Variants in OTUD7A observed in about 807,000 individuals in gnomAD.
OTUD7A encodes OTU domain-containing protein 7A.
Under a neutral mutation model 65.7 loss-of-function variants are expected in OTUD7A, and 12 were observed. The ratio of observed to expected loss-of-function variants is 0.18; its 90% confidence interval spans 0.12 to 0.30. The LOEUF (loss-of-function observed/expected upper bound fraction) is 0.30, where lower values mean the gene tolerates loss of function less well. Among genes scored for constraint, OTUD7A ranks in the 10% least tolerant of loss-of-function variants. The pLI is 1.00. For missense variants in OTUD7A, 1,148 were observed against 1,304.8 expected (o/e 0.88, Z 1.85); for synonymous variants, 641 against 586.3 (o/e 1.09, Z -1.35).
intron 1 of OTUD7A, among the ~76,000 whole-genome samples, chr15:31,787,241 G>A (rs1895698669): frequency 6.6e-6 from 1 of 152,216 alleles, no homozygotes; most frequent in African/African-American, 2.4e-5. Flanking sequence ...GAAGCATGAA[G>A]ACTGTACAGT....
chr15:31,550,713 A>C (rs1888293916), intron 5 of OTUD7A, among the ~76,000 whole-genome samples: 1 of 152,174 alleles, frequency 6.6e-6, no homozygotes. Context: ...GTGCTGTTTT[A>C]AGCTGCCAAA....
At chr15:31,688,023 C>G (rs1892877191) in intron 1 of OTUD7A, among the ~76,000 whole-genome samples, 1 of 152,134 alleles carries the variant, frequency 6.6e-6, no homozygotes, top group Non-Finnish European at 1.5e-5. Flanking sequence ...TGAGACCATC[C>G]TAGCCAACAT....
At chr15:31,625,974 A>AT (rs1890937848) in intron 3 of OTUD7A, among the ~76,000 whole-genome samples, 1 of 136,256 alleles carries the variant, frequency 7.3e-6, no homozygotes, top group South Asian at 2.1e-4. Flanking sequence ...AGCAAAATCA[A>AT]TCTAGGAATG....
rs57817074 is a variant in OTUD7A, at chr15:31,821,303, CTT to C, written c.-100+49202_-100+49203del. On this transcript the variant is annotated intron_variant, in intron 1 of 12. Transcript: ENST00000307050. ...GGCGTGTGCCACCACGCCCAGGTAC[CTT>C]TTTTTTTTTTTTTTTTTTTTAGTAG... is the stretch of plus-strand genomic sequence containing the variant. Among the ~76,000 whole-genome samples, 1,057 of 113,150 alleles carry C rather than the reference CTT, an allele frequency of 9.3e-3. 18 individuals are homozygous for C. Among genetic ancestry groups the C allele is most frequent in the African/African-American group, 0.037 (967 of 25,974 alleles). The allele number at this position is 113,150 out of a possible 152,430, so 74.2% of individuals were successfully genotyped here. A position where few individuals can be genotyped will look rare whatever the true frequency, so the allele number is the denominator to read the frequency against.
At chr15:31,746,828 C>T (rs73378622) in intron 1 of OTUD7A, among the ~76,000 whole-genome samples, 2,575 of 152,216 alleles carry the variant, frequency 0.017, 81 homozygotes, top group African/African-American at 0.059. Flanking sequence ...AAAACAAATA[C>T]AGTCTAAATA....
chr15:31,622,757 C>G (rs1294788933), intron 3 of OTUD7A, among the ~76,000 whole-genome samples: 1 of 152,232 alleles, frequency 6.6e-6, no homozygotes, highest in Non-Finnish European at 1.5e-5. Flanking sequence ...GCCTTCTTCT[C>G]TCAACTCGTC....
At chr15:31,587,547 A>G (rs371564750) in intron 3 of OTUD7A, among the ~76,000 whole-genome samples, 1 of 151,868 alleles carries the variant, frequency 6.6e-6, no homozygotes, top group African/African-American at 2.4e-5. Flanking sequence ...AGGCTGAGGC[A>G]GGAGAATTGC....
chr15:31,688,775 T>C (rs1405584475), intron 1 of OTUD7A, among the ~76,000 whole-genome samples: 1 of 150,866 alleles, frequency 6.6e-6, no homozygotes, highest in Non-Finnish European at 1.5e-5. Flanking sequence ...CACCTGTGTG[T>C]GTCTGTTTGT....
chr15:31,569,740 A>G (rs532825361), intron 4 of OTUD7A, among the ~76,000 whole-genome samples: 1 of 152,350 alleles, frequency 6.6e-6, no homozygotes, highest in Admixed American at 6.5e-5. Context: ...GAAAAAACCA[A>G]GACTCCAGGA....
At chr15:31,631,633 C>T in intron 3 of OTUD7A, among the ~76,000 whole-genome samples, 1 of 152,168 alleles carries the variant, frequency 6.6e-6, no homozygotes, top group Non-Finnish European at 1.5e-5. Context: ...TGAATGTTTG[C>T]CTGCCTTGCT....
chr15:31,476,102 T>C lies in OTUD7A; in HGVS notation c.*7192A>G, dbSNP rs2041012839. 1 of 152,244 alleles carries C rather than the reference T, an allele frequency of 6.6e-6. No homozygotes were observed. The highest frequency in any genetic ancestry group is 1.5e-5 in the Non-Finnish European group (1 of 68,048). 9.4% of individuals were successfully genotyped at this position (152,244 alleles called of 1,614,324 possible). The stretch of plus-strand genomic sequence containing the variant: ...AGGTCACTAAGGAGCTTAGTCCCTC[T>C]GTGGACCCAGCTAAGCCTGCTCCTT... On this transcript the variant is annotated 3_prime_UTR_variant, in exon 13 of 13. Coordinates refer to ENST00000307050, the MANE Select transcript of OTUD7A (RefSeq NM_001382637.1).
chr15:31,651,895 T>G lies in OTUD7A; in HGVS notation c.151+3201A>C, dbSNP rs1287575861. Among the ~76,000 whole-genome samples, 3 of 148,848 alleles carry G rather than the reference T, an allele frequency of 2.0e-5. No homozygotes were observed. In the East Asian group the frequency reaches 5.9e-4, roughly 29 times the overall value. On this transcript the variant is annotated intron_variant, in intron 3 of 12. Coordinates refer to ENST00000307050, the MANE Select transcript of OTUD7A (RefSeq NM_001382637.1). ...GCACTCCTTCATGGACTGAAAGACA[T>G]AACATAGGATTGAGTTGTAGATTTA... is the stretch of plus-strand genomic sequence containing the variant.
intron 1 of OTUD7A, among the ~76,000 whole-genome samples, chr15:31,677,800 T>C (rs1229058674): frequency 6.6e-5 from 10 of 151,614 alleles, no homozygotes; most frequent in African/African-American, 9.7e-5. Flanking sequence ...TAAATTGGTA[T>C]CACAGAGAGT....
intron 1 of OTUD7A, among the ~76,000 whole-genome samples, chr15:31,751,945 T>C (rs1894648868): frequency 1.3e-5 from 2 of 152,172 alleles, no homozygotes; most frequent in South Asian, 4.1e-4. Context: ...TGTTGGGTAC[T>C]ATGTTCACTA....
intron 8 of OTUD7A, among the ~76,000 whole-genome samples, chr15:31,504,785 C>A (rs2041534107): frequency 6.6e-6 from 1 of 152,202 alleles, no homozygotes; most frequent in South Asian, 2.1e-4. Flanking sequence ...TTCCCAGCCA[C>A]CTGGGACTTC....
Position 31,604,678 on chromosome 15 carries a change from T to C in OTUD7A, c.152-34481A>G, listed in dbSNP as rs527690283. On this transcript the variant is annotated intron_variant, in intron 3 of 12. Transcript: ENST00000307050. ...TAGCTGCTAGAGCAGTGCCTTTACA[T>C]AAAGTGCATTAAGTTAGTAACTGGC... Among the ~76,000 whole-genome samples, 3 of 152,318 alleles carry C rather than the reference T, an allele frequency of 2.0e-5. No homozygotes were observed. The East Asian group carries it at 5.8e-4, about 29-fold the overall frequency.
chr15:31,747,278 G>A (rs925861324), intron 1 of OTUD7A, among the ~76,000 whole-genome samples: 2 of 151,944 alleles, frequency 1.3e-5, no homozygotes, highest in African/African-American at 2.4e-5. Context: ...TTATGACAAC[G>A]CCTAGAAGCA....
At chr15:31,826,929 C>A (rs921666245) in intron 1 of OTUD7A, among the ~76,000 whole-genome samples, 2 of 152,166 alleles carry the variant, frequency 1.3e-5, no homozygotes, top group East Asian at 1.9e-4. Context: ...TCTGAGACAA[C>A]CTCAGCCTGG....
chr15:31,865,638 A>G (rs1311347958), intron 1 of OTUD7A, among the ~76,000 whole-genome samples: 1 of 152,204 alleles, frequency 6.6e-6, no homozygotes, highest in Non-Finnish European at 1.5e-5. Context: ...GTCTTCTCAG[A>G]GGTAGCAAGG....
Sources: allele counts gnomAD v4.1 joint callset (sites outside exome capture counted in the v4.1 genomes callset), GRCh38; gene constraint gnomAD v4.1.1; transcripts MANE v1.5; gene names NCBI Gene and HGNC (gene_info 2026-07-23, HGNC 2026-07-21).